Variants in PDS5B observed in about 807,000 individuals in gnomAD.
The protein encoded by PDS5B is sister chromatid cohesion protein PDS5 homolog B.
In PDS5B, 51 loss-of-function variants were observed where a neutral mutation model predicts 184.1. That is an observed-to-expected ratio of 0.28 (90% CI 0.22 to 0.35). The LOEUF (loss-of-function observed/expected upper bound fraction) is 0.35, where lower values mean the gene tolerates loss of function less well. PDS5B is among the 10% of genes least tolerant of loss of function. PDS5B has a pLI of 1.00. For synonymous variants in PDS5B, 566 were observed against 569.2 expected (o/e 0.99, Z 0.08); for missense variants, 1,180 against 1,723.3 (o/e 0.68, Z 5.58).
chr13:32,704,851 A>AT (rs1566350529), intron 17 of PDS5B, among the ~76,000 whole-genome samples: 1 of 152,034 alleles, frequency 6.6e-6, no homozygotes, highest in Non-Finnish European at 1.5e-5. Flanking sequence ...TTATGTTTTT[A>AT]TATTTTGACT....
chr13:32,692,413 GC>G (rs66626691), intron 13 of PDS5B, among the ~76,000 whole-genome samples: 30,878 of 41,952 alleles, frequency 0.74, 11,690 homozygotes, highest in East Asian at 0.85. Flanking sequence ...CGTCCAAAAA[GC>G]CTTTTTTTTT....
chr13:32,655,374 A>ATATATATATATAT, intron 3 of PDS5B, among the ~76,000 whole-genome samples: 6 of 72,454 alleles, frequency 8.3e-5, no homozygotes, highest in Non-Finnish European at 1.1e-4. Context: ...ATATATATAT[A>ATATATATATATAT]TTTTTTTTTT....
Position 32,770,200 on chromosome 13 carries a change from C to G in PDS5B, c.3704C>G (p.Thr1235Ser), listed in dbSNP as rs1728374286. ...QEEKLGMDDLTKLVQEQKPKG... is the reference protein window; with the variant it reads ...QEEKLGMDDLSKLVQEQKPKG... The stretch of plus-strand genomic sequence containing the variant: ...GAGAAATTAGGTATGGATGACTTGA[C>G]TAAGTTGGTACAGGAACAGAAACCT... Residue 1235 changes from threonine (T) to serine (S), a missense_variant, in exon 32 of 35, where the codon ACT becomes AGT. By Grantham distance (58) the Thr-to-Ser change is moderately conservative. Coordinates refer to ENST00000315596, the MANE Select transcript of PDS5B (RefSeq NM_015032.4). The G allele has an allele frequency of 2.5e-6, 4 of 1,613,508 alleles. No individual in the cohort carries two copies. The highest frequency in any genetic ancestry group is 3.4e-6 in the Non-Finnish European group (4 of 1,179,926).
Position 32,675,883 on chromosome 13 carries a change from C to A in PDS5B, c.886C>A (p.Leu296Met). 6.2e-7 allele frequency: 1 copy of A among 1,613,646 alleles called. No individual in the cohort carries two copies. The highest frequency in any genetic ancestry group is 8.5e-7 in the Non-Finnish European group (1 of 1,179,648). The change falls in exon 9 of 35, where the codon CTG becomes ATG. Residue 296 changes from leucine (L) to methionine (M), a missense_variant. This residue lies in a region of PDS5B where 475 missense variants were observed against 691.5 expected (regional missense o/e 0.69). Transcript: ENST00000315596. Reference sequence around the variant, plus strand: ...GGAGCGCCTACAAGTTGTTAAACTACTGGCAAAAATGTTTGGGGCAAAGGA... The same window carrying A: ...GGAGCGCCTACAAGTTGTTAAACTAATGGCAAAAATGTTTGGGGCAAAGGA... ...NEERLQVVKL[L>M]AKMFGAKDSE...
At chr13:32,643,564 T>G (rs550248304) in intron 1 of PDS5B, among the ~76,000 whole-genome samples, 8 of 152,162 alleles carry the variant, frequency 5.3e-5, no homozygotes, top group Non-Finnish European at 1.2e-4. Context: ...AGTGATGGAC[T>G]GCATATATGA....
chr13:32,597,040 T>C (rs1456709890), intron 1 of PDS5B, among the ~76,000 whole-genome samples: 2 of 151,894 alleles, frequency 1.3e-5, no homozygotes, highest in East Asian at 3.8e-4. Flanking sequence ...GAGTTCTTTT[T>C]ATTTTTTATT....
At chr13:32,615,635 G>T (rs1317333883) in intron 1 of PDS5B, among the ~76,000 whole-genome samples, 2 of 152,072 alleles carry the variant, frequency 1.3e-5, no homozygotes, top group Admixed American at 6.5e-5. Context: ...TAGTCATCAT[G>T]GTGTAATGAA....
At chr13:32,603,544 T>C (rs2058011493) in intron 1 of PDS5B, among the ~76,000 whole-genome samples, 1 of 152,248 alleles carries the variant, frequency 6.6e-6, no homozygotes, top group South Asian at 2.1e-4. Flanking sequence ...CCTCCAGCTT[T>C]GTTCTTTTGG....
At chr13:32,740,589 T>C (rs1319095156) in intron 21 of PDS5B, among the ~76,000 whole-genome samples, 1 of 152,172 alleles carries the variant, frequency 6.6e-6, no homozygotes, top group Non-Finnish European at 1.5e-5. Flanking sequence ...TCCTGGTTAC[T>C]ACTGTAAACA....
intron 1 of PDS5B, among the ~76,000 whole-genome samples, chr13:32,643,043 A>G (rs951541731): frequency 6.6e-5 from 10 of 152,120 alleles, no homozygotes; most frequent in African/African-American, 2.2e-4. Context: ...ATATTTTACA[A>G]GGTCACTCTG....
chr13:32,671,912 T>C (rs1335289687), intron 7 of PDS5B, among the ~76,000 whole-genome samples: 2 of 152,240 alleles, frequency 1.3e-5, no homozygotes, highest in Non-Finnish European at 2.9e-5. Context: ...GGTATGCTTT[T>C]GGTTAATTTT....
chr13:32,749,896 T>C (rs1322577074), intron 24 of PDS5B, among the ~76,000 whole-genome samples: 1 of 152,198 alleles, frequency 6.6e-6, no homozygotes, highest in African/African-American at 2.4e-5. Flanking sequence ...ACCAATTATA[T>C]CCAGTGTTTG....
intron 1 of PDS5B, among the ~76,000 whole-genome samples, chr13:32,636,386 G>C (rs1010924397): frequency 1.3e-5 from 2 of 152,186 alleles, no homozygotes; most frequent in African/African-American, 4.8e-5. Context: ...GCACTATATT[G>C]TAGTGTTAAG....
intron 1 of PDS5B, among the ~76,000 whole-genome samples, chr13:32,646,117 A>G (rs548443174): frequency 6.6e-6 from 1 of 151,790 alleles, no homozygotes; most frequent in South Asian, 2.1e-4. Context: ...CAGGACTTCC[A>G]CCTCAGCTTC....
intron 21 of PDS5B, among the ~76,000 whole-genome samples, chr13:32,737,192 T>G (rs113881760): frequency 0.5 from 1,708 of 3,424 alleles, 32 homozygotes; most frequent in African/African-American, 0.51. Context: ...GATGTGGTTA[T>G]ATTCTTCCCA....
chr13:32,644,613 C>T (rs1950175200), intron 1 of PDS5B, among the ~76,000 whole-genome samples: 1 of 151,796 alleles, frequency 6.6e-6, no homozygotes, highest in South Asian at 2.1e-4. Flanking sequence ...AGGTATGTTC[C>T]TGTAGTTCCT....
intron 19 of PDS5B, among the ~76,000 whole-genome samples, chr13:32,719,081 A>G (rs1952578505): frequency 6.6e-6 from 1 of 152,254 alleles, no homozygotes; most frequent in Non-Finnish European, 1.5e-5. Flanking sequence ...GAATTAAAAT[A>G]CTAGTAACCA....
intron 28 of PDS5B, among the ~76,000 whole-genome samples, chr13:32,759,054 A>G (rs1314521354): frequency 6.6e-6 from 1 of 152,180 alleles, no homozygotes; most frequent in African/African-American, 2.4e-5. Flanking sequence ...TGGGAATACT[A>G]CAAGAGTGTT....
intron 1 of PDS5B, among the ~76,000 whole-genome samples, chr13:32,624,030 CT>C (rs200045091): frequency 2.0e-5 from 3 of 150,752 alleles, no homozygotes; most frequent in Admixed American, 1.3e-4. Flanking sequence ...CAAGCTATTC[CT>C]TTTTTTTAAA....
Sources: gnomAD v4.1 joint callset for allele counts (sites outside exome capture counted in the v4.1 genomes callset) on GRCh38, gnomAD v4.1.1 for gene constraint, gnomAD v4.1.1 regional missense constraint, MANE v1.5 for transcripts, NCBI Gene and HGNC (gene_info 2026-07-23, HGNC 2026-07-21) for gene names.